PLS3: variants seen among roughly 807,000 people sequenced by gnomAD.
PLS3 encodes the protein plastin 3, also known as plastin-3.
Under a neutral mutation model 46.5 loss-of-function variants are expected in PLS3, and 11 were observed. The observed-to-expected ratio is 0.24, with a 90% CI of 0.15 to 0.39. The LOEUF is 0.39. Among genes scored for constraint, PLS3 ranks in the 10% least tolerant of loss-of-function variants. The pLI, the probability that PLS3 is intolerant of heterozygous loss-of-function variation, is 1.00. For synonymous variants in PLS3, 167 were observed against 162.2 expected (o/e 1.03, Z -0.22); for missense variants, 308 against 461.8 (o/e 0.67, Z 3.05).
intron 1 of PLS3, among the ~76,000 whole-genome samples, chrX:115,603,281 A>G (rs1216422788): frequency 2.7e-5 from 3 of 111,387 alleles, no homozygotes; most frequent in African/African-American, 9.8e-5. Flanking sequence ...TCCTTTTATG[A>G]AAAAACAAAC....
chrX:115,631,544 G>A (rs1420089117), intron 5 of PLS3, among the ~76,000 whole-genome samples: 1 of 110,093 alleles, frequency 9.1e-6, no homozygotes, highest in Admixed American at 9.8e-5. Flanking sequence ...TCCAGTCTGG[G>A]CAACAAAACG....
intron 2 of PLS3, among the ~76,000 whole-genome samples, chrX:115,621,665 G>C (rs2074656679): frequency 9.0e-6 from 1 of 111,407 alleles, no homozygotes; most frequent in African/African-American, 3.3e-5. Context: ...TATTTATAGA[G>C]TCATATTAAA....
chrX:115,568,711 CA>C (rs1185445003), intron 1 of PLS3, among the ~76,000 whole-genome samples: 1 of 111,794 alleles, frequency 8.9e-6, no homozygotes, highest in Non-Finnish European at 1.9e-5. Flanking sequence ...TTGGCTTAAA[CA>C]AAAAGATAGC....
At chrX:115,648,587 G>T (rs1381767226) in intron 15 of PLS3, among the ~76,000 whole-genome samples, 1 of 110,766 alleles carries the variant, frequency 9.0e-6, no homozygotes, top group Non-Finnish European at 1.9e-5. Context: ...AGTGTGACCT[G>T]GCTTCATGGG....
chrX:115,622,180 G>T, intron 2 of PLS3, 66 bp from the exon 3 acceptor site: 1 of 878,325 alleles, frequency 1.1e-6, no homozygotes, highest in Non-Finnish European at 1.6e-6. Flanking sequence ...TCAAATGAAG[G>T]GAAATACTCT....
chrX:115,615,375 A>G (rs182646073), intron 2 of PLS3, among the ~76,000 whole-genome samples: 1 of 110,242 alleles, frequency 9.1e-6, no homozygotes, highest in Non-Finnish European at 1.9e-5. Flanking sequence ...TTTAAGGTTT[A>G]CTTAGGGGAG....
At chrX:115,601,249 G>A (rs781853668) in intron 1 of PLS3, among the ~76,000 whole-genome samples, 1 of 109,933 alleles carries the variant, frequency 9.1e-6, no homozygotes, top group African/African-American at 3.3e-5. Flanking sequence ...GTTCAAGGGT[G>A]TAGTACATAT....
chrX:115,630,025 A>G (rs2074748728), intron 5 of PLS3, 58 bp downstream of exon 5: 15 of 894,658 alleles, frequency 1.7e-5, no homozygotes, highest in Non-Finnish European at 2.2e-5. Context: ...CATATAATTG[A>G]TATATTTGTT....
intron 1 of PLS3, among the ~76,000 whole-genome samples, chrX:115,577,463 T>C (rs989877684): frequency 2.7e-5 from 2 of 75,336 alleles, no homozygotes; most frequent in African/African-American, 4.3e-5. Flanking sequence ...ATATACATTA[T>C]AGGGTTTATC....
chrX:115,582,937 G>GC (rs1250662219), intron 1 of PLS3, among the ~76,000 whole-genome samples: 1 of 111,719 alleles, frequency 9.0e-6, no homozygotes, highest in Non-Finnish European at 1.9e-5. Context: ...TACTCGGGAG[G>GC]CCGAGGTGAT....
At chrX:115,647,504 T>C in intron 13 of PLS3, 46 bp from the exon 14 acceptor site, 1 of 1,124,633 alleles carries the variant, frequency 8.9e-7, no homozygotes, top group Non-Finnish European at 1.2e-6. Context: ...TTTGCATTTT[T>C]CCTCATAAAG....
At chrX:115,639,933 G>T (rs1257530989) in intron 8 of PLS3, among the ~76,000 whole-genome samples, 1 of 112,175 alleles carries the variant, frequency 8.9e-6, no homozygotes. Context: ...ACCATTTAAT[G>T]CTTTTGTCAT....
chrX:115,586,958 T>G (rs1298915354), intron 1 of PLS3, among the ~76,000 whole-genome samples: 1 of 112,715 alleles, frequency 8.9e-6, no homozygotes, highest in Non-Finnish European at 1.9e-5. Context: ...ATAGGTTTGC[T>G]GTCTCTAAAA....
chrX:115,645,132 C>T (rs782812682), intron 11 of PLS3, 33 bp downstream of exon 11: 4 of 839,864 alleles, frequency 4.8e-6, no homozygotes, highest in Non-Finnish European at 5.3e-6. Flanking sequence ...TAAACAGTTA[C>T]GAATGTCATG....
intron 1 of PLS3, among the ~76,000 whole-genome samples, chrX:115,608,714 C>T (rs2074518530): frequency 8.9e-6 from 1 of 111,865 alleles, no homozygotes; most frequent in African/African-American, 3.3e-5. Context: ...ACCTGCTGTG[C>T]CATTTGTAGC....
At chrX:115,608,609 A>G (rs1037622939) in intron 1 of PLS3, among the ~76,000 whole-genome samples, 5 of 112,138 alleles carry the variant, frequency 4.5e-5, no homozygotes, top group Non-Finnish European at 7.5e-5. Flanking sequence ...TAGTAGTCGC[A>G]TAAGATTATA....
intron 9 of PLS3, 118 bp from the exon 10 acceptor site, chrX:115,643,195 T>A: frequency 2.1e-6 from 1 of 482,038 alleles, no homozygotes; most frequent in South Asian, 3.6e-5. Context: ...AATTTTATAA[T>A]AAGTACCATA....
chrX:115,612,927 A>C (rs192668242), intron 2 of PLS3, among the ~76,000 whole-genome samples: 1 of 112,138 alleles, frequency 8.9e-6, no homozygotes, highest in East Asian at 2.8e-4. Context: ...TGATGTTTCA[A>C]ATTTAATTTA....
intron 1 of PLS3, among the ~76,000 whole-genome samples, chrX:115,573,093 CAAAAA>C (rs1163578692): frequency 1.3e-4 from 4 of 30,255 alleles, no homozygotes; most frequent in South Asian, 2.0e-3. Context: ...GACTCCGTCT[CAAAAA>C]AAAAAAAAAA....
Sources: allele counts gnomAD v4.1 joint callset (sites outside exome capture counted in the v4.1 genomes callset), GRCh38; gene constraint gnomAD v4.1.1; transcripts MANE v1.5; gene names NCBI Gene and HGNC (gene_info 2026-07-23, HGNC 2026-07-21).